LYN: variants seen among roughly 807,000 people sequenced by gnomAD.
LYN encodes LYN proto-oncogene, Src family tyrosine kinase.
A neutral mutation model predicts 65.0 loss-of-function variants in LYN; 12 were observed. The observed-to-expected ratio is 0.18, with a 90% confidence interval of 0.12 to 0.30. The LOEUF is 0.30. Ranked by LOEUF, LYN falls within the 10% of genes least tolerant of loss-of-function variation. The pLI, the probability that LYN is intolerant of heterozygous loss-of-function variation, is 1.00. For synonymous variants in LYN, 222 were observed against 221.2 expected (o/e 1.00, Z -0.03); for missense variants, 380 against 623.2 (o/e 0.61, Z 4.16).
intron 4 of LYN, 65 bp downstream of exon 4, chr8:55,947,788 C>A (rs1806828759): frequency 8.9e-7 from 1 of 1,120,392 alleles, no homozygotes; most frequent in Non-Finnish European, 1.4e-6. Flanking sequence ...GCAGGCTGTC[C>A]CCTTGTCTTG....
At chr8:56,004,410 C>T (rs761963418) in intron 12 of LYN, among the ~76,000 whole-genome samples, 17 of 151,434 alleles carry the variant, frequency 1.1e-4, no homozygotes, top group Non-Finnish European at 2.1e-4. Flanking sequence ...GCTCCTGCCT[C>T]AGCCTCCTGA....
intron 2 of LYN, among the ~76,000 whole-genome samples, chr8:55,944,740 C>G (rs923523540): frequency 6.6e-6 from 1 of 152,196 alleles, no homozygotes; most frequent in Non-Finnish European, 1.5e-5. Context: ...CTCGGCCTCT[C>G]AAAGTGTTGG....
Position 55,992,682 on chromosome 8 carries a change from A to G in LYN, c.1051-5664A>G, listed in dbSNP as rs117286734. 5.4e-3 allele frequency among the ~76,000 whole-genome samples: 821 copies of G among 152,342 alleles called. 22 individuals are homozygous for G. The highest frequency in any genetic ancestry group is 0.036 in the East Asian group (189 of 5,184). On this transcript the variant is annotated intron_variant, in intron 10 of 12. Coordinates refer to ENST00000519728, the MANE Select transcript of LYN (RefSeq NM_002350.4). ...AATCCTAAAATAGCTTAAGCTTTCA[A>G]GCCTATGATCTAGTGCTCTGCTTCT...
chr8:55,928,842 AT>A (rs534400638), intron 1 of LYN, among the ~76,000 whole-genome samples: 3 of 152,176 alleles, frequency 2.0e-5, no homozygotes, highest in African/African-American at 7.2e-5. Context: ...GTAAAATGTC[AT>A]CACCAAACCC....
chr8:55,988,310 G>C (rs1808139279), intron 10 of LYN, among the ~76,000 whole-genome samples: 1 of 151,814 alleles, frequency 6.6e-6, no homozygotes, highest in Non-Finnish European at 1.5e-5. Context: ...GTGTGTGTGT[G>C]TGTGTGTGTG....
intron 12 of LYN, among the ~76,000 whole-genome samples, 180 bp downstream of exon 12, chr8:55,999,729 T>C (rs1346564120): frequency 6.6e-6 from 1 of 152,184 alleles, no homozygotes; most frequent in Admixed American, 6.5e-5. Flanking sequence ...CCCAGCACTT[T>C]GGGAGGCCGA....
chr8:55,946,520 A>G, intron 3 of LYN, 27 bp downstream of exon 3: 1 of 1,534,538 alleles, frequency 6.5e-7, no homozygotes, highest in Non-Finnish European at 8.9e-7. Flanking sequence ...ACATAGTTAA[A>G]ATTTTTTTTC....
chr8:55,900,766 A>G (rs917264729), intron 1 of LYN, among the ~76,000 whole-genome samples: 15 of 152,096 alleles, frequency 9.9e-5, no homozygotes, highest in African/African-American at 3.6e-4. Flanking sequence ...TCTCTTCAGT[A>G]TGTATCTCAT....
intron 8 of LYN, among the ~76,000 whole-genome samples, chr8:55,965,367 G>C (rs371676612): frequency 2.6e-5 from 4 of 152,310 alleles, no homozygotes; most frequent in East Asian, 1.9e-4. Context: ...TCTCCTGGGT[G>C]GGGGAGGAGT....
intron 10 of LYN, among the ~76,000 whole-genome samples, chr8:55,994,047 C>G (rs889061992): frequency 6.6e-6 from 1 of 152,124 alleles, no homozygotes; most frequent in Non-Finnish European, 1.5e-5. Flanking sequence ...TTCAATCAGC[C>G]AAAGGAGTCT....
chr8:55,953,103 G>T (rs536562218), intron 7 of LYN, among the ~76,000 whole-genome samples: 1 of 152,310 alleles, frequency 6.6e-6, no homozygotes, highest in East Asian at 1.9e-4. Flanking sequence ...CCATTCCTGT[G>T]TGCATCCGGC....
At chr8:55,882,217 G>C (rs545060029) in intron 1 of LYN, among the ~76,000 whole-genome samples, 11 of 152,282 alleles carry the variant, frequency 7.2e-5, no homozygotes, top group African/African-American at 2.4e-4. Context: ...CAATCCAGAA[G>C]ACCTACATTA....
At chr8:55,926,754 G>A (rs1050013276) in intron 1 of LYN, among the ~76,000 whole-genome samples, 1 of 152,210 alleles carries the variant, frequency 6.6e-6, no homozygotes, top group Non-Finnish European at 1.5e-5. Context: ...TTTAAAAATG[G>A]AGGATCCCTT....
intron 1 of LYN, among the ~76,000 whole-genome samples, chr8:55,886,118 A>C (rs1365656719): frequency 6.6e-6 from 1 of 152,246 alleles, no homozygotes; most frequent in African/African-American, 2.4e-5. Context: ...AGACGTTTCG[A>C]AATCTTTTAA....
chr8:56,005,901 T>G (rs973350570), intron 12 of LYN, among the ~76,000 whole-genome samples: 1 of 151,922 alleles, frequency 6.6e-6, no homozygotes, highest in Non-Finnish European at 1.5e-5. Context: ...CTGGGCAACA[T>G]AGCAAAACCC....
intron 10 of LYN, among the ~76,000 whole-genome samples, chr8:55,973,029 G>A (rs187098009): frequency 1.8e-4 from 28 of 152,310 alleles, no homozygotes; most frequent in Admixed American, 1.6e-3. Flanking sequence ...GTCATTGGGA[G>A]TAGAAATAAC....
intron 2 of LYN, among the ~76,000 whole-genome samples, chr8:55,945,695 G>T (rs909133507): frequency 6.6e-6 from 1 of 152,108 alleles, no homozygotes; most frequent in African/African-American, 2.4e-5. Context: ...TAATTGAGGT[G>T]GTCTTCTGTG....
chr8:55,989,193 C>T (rs1012421412), intron 10 of LYN, among the ~76,000 whole-genome samples: 4 of 152,182 alleles, frequency 2.6e-5, no homozygotes, highest in Non-Finnish European at 5.9e-5. Flanking sequence ...GTGTGGGATG[C>T]TGGGGTTGAC....
intron 1 of LYN, among the ~76,000 whole-genome samples, chr8:55,883,739 T>C (rs998427429): frequency 1.3e-5 from 2 of 152,228 alleles, no homozygotes; most frequent in African/African-American, 2.4e-5. Flanking sequence ...TTAAAACACC[T>C]GATCATTTTG....
Sources: gnomAD v4.1 joint callset for allele counts (sites outside exome capture counted in the v4.1 genomes callset) on GRCh38, gnomAD v4.1.1 for gene constraint, MANE v1.5 for transcripts, NCBI Gene and HGNC (gene_info 2026-07-23, HGNC 2026-07-21) for gene names.